Variants in MLXIP observed in about 807,000 individuals in gnomAD.
MLXIP encodes MLX interacting protein, also known as MLX-interacting protein.
In MLXIP, 30 loss-of-function variants were observed where a neutral mutation model predicts 87.2. The observed-to-expected ratio is 0.34, with a 90% CI of 0.26 to 0.47. The LOEUF (loss-of-function observed/expected upper bound fraction) is 0.47. Ranked by LOEUF, MLXIP falls within the 20% of genes least tolerant of loss-of-function variation. MLXIP has a pLI of 1.00. For synonymous variants in MLXIP, 530 were observed against 514.0 expected, an observed-to-expected ratio of 1.03 and a Z score of -0.42; for missense variants, 1,002 against 1,240.1, an observed-to-expected ratio of 0.81 and a Z score of 2.88.
rs748261897 is a variant in MLXIP at position 122,130,105 on chromosome 12, G to A, written c.903G>A (p.Arg301=). 2 of 1,613,308 alleles carry A rather than the reference G, an allele frequency of 1.2e-6. No homozygotes were observed. The highest frequency in any genetic ancestry group is 2.2e-5 in the South Asian group (2 of 90,930). ...SHQPVAWPNP[R]EIAHLGNADM... is the part of the protein sequence containing the mutation. Reference sequence around the variant, plus strand: ...AGCCGGTGGCCTGGCCCAATCCCCGGGAAATAGGTAACCCAAACCAGGGCC... The same window carrying A: ...AGCCGGTGGCCTGGCCCAATCCCCGAGAAATAGGTAACCCAAACCAGGGCC... Residue 301 remains arginine (R), a synonymous_variant, in exon 6 of 17, where the codon CGG becomes CGA. Transcript: ENST00000319080.
rs4758686 is a variant in MLXIP, at chr12:122,138,453, T to G, written c.2286T>G (p.Thr762=). The G allele has an allele frequency of 8.1e-6, 13 of 1,613,562 alleles. No individual in the cohort carries two copies. Among genetic ancestry groups the G allele is most frequent in the African/African-American group, 4.0e-5 (3 of 74,846 alleles). ...LTSHAITLQK[T]VEYITKLQQE... The stretch of plus-strand genomic sequence containing the variant: ...GTCACGCCATCACACTGCAGAAGAC[T>G]GTGGAGTACATCACCAAGCTGCAGC... The change falls in exon 14 of 17, where the codon ACT becomes ACG. Residue 762 remains threonine (T), a synonymous_variant. Coordinates refer to ENST00000319080, the MANE Select transcript of MLXIP (RefSeq NM_014938.6).
chr12:122,114,314 A>G (rs1952652986), intron 1 of MLXIP, among the ~76,000 whole-genome samples: 1 of 152,208 alleles, frequency 6.6e-6, no homozygotes, highest in African/African-American at 2.4e-5. Context: ...TACCAAATGC[A>G]AGTTGGGGAG....
intron 3 of MLXIP, 58 bp downstream of exon 3, chr12:122,128,026 A>G: frequency 1.4e-6 from 2 of 1,461,216 alleles, no homozygotes; most frequent in South Asian, 2.3e-5. Context: ...CCTCACCGGG[A>G]GTGGCTCACC....
intron 1 of MLXIP, among the ~76,000 whole-genome samples, chr12:122,092,975 TATGTATGTG>T: frequency 7.3e-6 from 1 of 136,252 alleles, no homozygotes; most frequent in Non-Finnish European, 1.6e-5. Flanking sequence ...GTGGTGTGGG[TATGTATGTG>T]TTGTGTGTGT....
chr12:122,135,599 C>A lies in MLXIP; in HGVS notation c.1965C>A (p.Asp655Glu). 2 of 1,583,990 alleles carry A rather than the reference C, an allele frequency of 1.3e-6. No homozygotes were observed. Among genetic ancestry groups the A allele is most frequent in the African/African-American group, 1.3e-5 (1 of 74,466 alleles). Residue 655 changes from aspartate to glutamate, a missense_variant, in exon 11 of 17, where the codon GAC becomes GAA. Around this residue, in one of 3 missense-constraint regions of MLXIP, gnomAD observed 746 missense variants for 897.0 expected, o/e 0.83. Coordinates refer to ENST00000319080, the MANE Select transcript of MLXIP (RefSeq NM_014938.6). This position sits in a 1 kb window ranked among gnomAD's most constrained non-coding sequence, Gnocchi z 5.3. The part of the protein sequence containing the change: ...VSRLFPSTAQ[D>E]PLGKGEQVPL... ...GGCTCTTCCCAAGCACAGCGCAAGA[C>A]CCCCTGGGGAAGGGCGAGCAGGTCC...
At chr12:122,141,246 G>T (rs879287956) in intron 16 of MLXIP, 163 bp downstream of exon 16, 8 of 565,160 alleles carry the variant, frequency 1.4e-5, no homozygotes, top group Non-Finnish European at 1.8e-5. Context: ...AGCGCCCAGT[G>T]GGGGCAGGAG....
intron 1 of MLXIP, 66 bp from the exon 2 acceptor site, chr12:122,127,190 C>A: frequency 7.9e-7 from 1 of 1,261,836 alleles, no homozygotes; most frequent in Non-Finnish European, 1.1e-6. Context: ...GATCGGGTGG[C>A]ACTTTGTAAT....
intron 1 of MLXIP, among the ~76,000 whole-genome samples, chr12:122,082,735 A>G (rs1198728403): frequency 6.6e-6 from 1 of 152,264 alleles, no homozygotes; most frequent in African/African-American, 2.4e-5. Context: ...CTGAGGCTCT[A>G]CAATGGAGCT....
At chr12:122,099,547 G>A (rs1952405886) in intron 1 of MLXIP, among the ~76,000 whole-genome samples, 1 of 152,244 alleles carries the variant, frequency 6.6e-6, no homozygotes, top group South Asian at 2.1e-4. Flanking sequence ...TGCAGCCCGG[G>A]CTGATTTCCC....
At chr12:122,140,691 C>A (rs1953184010) in intron 15 of MLXIP, 4 of 554,372 alleles carry the variant, frequency 7.2e-6, no homozygotes. Flanking sequence ...CTGTTCCAGA[C>A]TAGAGACCTT....
chr12:122,135,331 G>A lies in MLXIP; in HGVS notation c.1840G>A (p.Ala614Thr), dbSNP rs765632719. ...CCAGTCCAACGTGGTCATTGCGCCT[G>A]CTGCCATCGCCAGGGTGAGGAGGGC... ...VSQSNVVIAPAAIARAPGVPE... is the reference protein window; with the variant it reads ...VSQSNVVIAPTAIARAPGVPE... The change falls in exon 10 of 17, where the codon GCT becomes ACT. Residue 614 changes from alanine (A) to threonine (T), a missense_variant. By Grantham distance (58) the Ala-to-Thr change is moderately conservative (BLOSUM62 0). Transcript: ENST00000319080. The surrounding 1 kb of genome is among the most constrained non-coding windows in gnomAD (Gnocchi z 5.3). The A allele has an allele frequency of 7.4e-6, 12 of 1,613,192 alleles. No individual in the cohort carries two copies. The highest frequency in any genetic ancestry group is 1.0e-5 in the Non-Finnish European group (12 of 1,179,648).
intron 1 of MLXIP, among the ~76,000 whole-genome samples, chr12:122,115,312 GCGCGGTGTCTCA>G (rs1209072416): frequency 2.0e-5 from 3 of 152,102 alleles, no homozygotes; most frequent in Admixed American, 6.5e-5. Flanking sequence ...TAGTGGCTGG[GCGCGGTGTCTCA>G]CGCCTATAAT....
chr12:122,091,289 T>A (rs1952241478), intron 1 of MLXIP, among the ~76,000 whole-genome samples: 1 of 151,740 alleles, frequency 6.6e-6, no homozygotes, highest in African/African-American at 2.4e-5. Flanking sequence ...AGTGGAGGAG[T>A]GTTTGGGAAA....
At chr12:122,086,930 G>A (rs370053834) in intron 1 of MLXIP, among the ~76,000 whole-genome samples, 1 of 152,128 alleles carries the variant, frequency 6.6e-6, no homozygotes. Flanking sequence ...TGCTGCCGCC[G>A]GCTGTCACCC....
intron 1 of MLXIP, among the ~76,000 whole-genome samples, chr12:122,096,590 C>A (rs1166376661): frequency 6.6e-6 from 1 of 152,226 alleles, no homozygotes; most frequent in Non-Finnish European, 1.5e-5. Flanking sequence ...TCAGCAGGCG[C>A]GGAGCTGAAC....
chr12:122,098,169 A>G (rs1186427433), intron 1 of MLXIP, among the ~76,000 whole-genome samples: 1 of 152,106 alleles, frequency 6.6e-6, no homozygotes, highest in Non-Finnish European at 1.5e-5. Context: ...GGTGTTGGAG[A>G]TGACTGACCC....
rs748512987 is a variant in MLXIP, at chr12:122,137,430, G to C, written c.2033-39G>C. On this transcript the variant is annotated intron_variant, in intron 11 of 16. Coordinates refer to ENST00000319080, the MANE Select transcript of MLXIP (RefSeq NM_014938.6). The surrounding 1 kb of genome is among the most constrained non-coding windows in gnomAD (Gnocchi z 4.1). ...GGCTGCCTCCTGGTGGCGTTGAGGGGCCAGGCCTCCGCCCCTCAGAGGAGT... is the reference window on the plus strand; with the variant it reads ...GGCTGCCTCCTGGTGGCGTTGAGGGCCCAGGCCTCCGCCCCTCAGAGGAGT... 4 of 1,593,702 alleles carry C rather than the reference G, an allele frequency of 2.5e-6. No individual in the cohort carries two copies. The South Asian group carries it at 4.5e-5, about 18-fold the overall frequency.
At chr12:122,132,508 G>A in intron 8 of MLXIP, 125 bp downstream of exon 8, 1 of 730,044 alleles carries the variant, frequency 1.4e-6, no homozygotes, top group Non-Finnish European at 2.3e-6. Flanking sequence ...GCCAAGCAGT[G>A]CTAGACCAGC....
intron 1 of MLXIP, among the ~76,000 whole-genome samples, chr12:122,125,882 A>T (rs1952873914): frequency 6.6e-6 from 1 of 152,242 alleles, no homozygotes; most frequent in African/African-American, 2.4e-5. Flanking sequence ...CCAGGGGCAC[A>T]GCCAGGGCAT....
Sources: gnomAD v4.1 joint callset for allele counts (sites outside exome capture counted in the v4.1 genomes callset) on GRCh38, gnomAD v4.1.1 for gene constraint, gnomAD v4.1.1 regional missense constraint, Gnocchi (gnomAD v3.1) non-coding constraint, MANE v1.5 for transcripts, NCBI Gene and HGNC (gene_info 2026-07-23, HGNC 2026-07-21) for gene names.